Variants in APTX observed in about 807,000 individuals in gnomAD.
APTX encodes forkhead-associated domain histidine triad-like protein.
APTX carries 33 observed loss-of-function variants against 42.3 expected under a neutral mutation model. The ratio of observed to expected loss-of-function variants is 0.78; its 90% CI spans 0.59 to 1.04. The LOEUF is 1.04. Among genes scored for constraint, APTX ranks in the 50% least tolerant of loss-of-function variants. APTX has a pLI of 0.00. For synonymous variants in APTX, 130 were observed against 146.7 expected (o/e 0.89, Z 0.82); for missense variants, 421 against 415.1 (o/e 1.01, Z -0.12).
In APTX at chr9:32,972,916, T is replaced by C. The variant is rs960296817; in HGVS notation, c.*582A>G. On this transcript the variant is annotated 3_prime_UTR_variant, in exon 8 of 8. Transcript: ENST00000379817. ...ACCATCATCTAGCCTCTTTTCTCACTGTGAAGAACTGATGAGACAGAATTC... is the reference window on the plus strand; with the variant it reads ...ACCATCATCTAGCCTCTTTTCTCACCGTGAAGAACTGATGAGACAGAATTC... 8 of 453,988 alleles carry C rather than the reference T, an allele frequency of 1.8e-5. No individual in the cohort carries two copies. The highest frequency in any genetic ancestry group is 3.5e-5 in the Non-Finnish European group (8 of 226,790). 28.1% of individuals were successfully genotyped at this position (453,988 alleles called of 1,614,324 possible).
chr9:33,003,774 G>A (rs1002373624), upstream of APTX, among the ~76,000 whole-genome samples: 2 of 152,086 alleles, frequency 1.3e-5, no homozygotes, highest in Non-Finnish European at 2.9e-5. Context: ...GCCCATTTGC[G>A]ACTGGCTTAT....
At chr9:32,983,694 T>C (rs1831231918) in intron 6 of APTX, among the ~76,000 whole-genome samples, 1 of 152,172 alleles carries the variant, frequency 6.6e-6, no homozygotes, top group East Asian at 1.9e-4. Context: ...GGATAAGACT[T>C]GAAGACATTA....
intron 6 of APTX, among the ~76,000 whole-genome samples, chr9:32,978,182 A>G (rs1348664512): frequency 3.9e-5 from 6 of 152,222 alleles, no homozygotes; most frequent in African/African-American, 1.4e-4. Flanking sequence ...TACTGCTTCA[A>G]AAGGGTATAC....
intron 1 of APTX, among the ~76,000 whole-genome samples, chr9:33,023,405 A>G (rs575763403): frequency 6.6e-6 from 1 of 151,184 alleles, no homozygotes; most frequent in Admixed American, 6.6e-5. Flanking sequence ...TTCTATTTTT[A>G]GTAGAGAAGG....
chr9:32,986,419 A>C (rs1370801667), intron 4 of APTX, among the ~76,000 whole-genome samples: 3 of 149,682 alleles, frequency 2.0e-5, no homozygotes, highest in African/African-American at 2.5e-5. Flanking sequence ...CTGGTCTTGA[A>C]CTCCTCACCT....
Position 32,989,676 on chromosome 9 carries a change from C to G in APTX, c.133+83G>C, listed in dbSNP as rs528961441. On this transcript the variant is annotated intron_variant, in intron 2 of 7. Coordinates refer to ENST00000379817, the MANE Select transcript of APTX (RefSeq NM_001195248.2). Reference sequence around the variant, plus strand: ...TTTTGGCAGACAATAGATTTTCCATCAAGATCACCCAGAAAATATGCATCT... The same window carrying G: ...TTTTGGCAGACAATAGATTTTCCATGAAGATCACCCAGAAAATATGCATCT... 3.1e-6 allele frequency: 5 copies of G among 1,603,978 alleles called. No individual in the cohort carries two copies. In the East Asian group the frequency reaches 1.1e-4, roughly 36 times the overall value.
At chr9:32,989,670 T>G (rs753922976) in intron 2 of APTX, 89 bp downstream of exon 2, 1 of 1,598,762 alleles carries the variant, frequency 6.3e-7, no homozygotes, top group Non-Finnish European at 8.6e-7. Context: ...ACAATAGATT[T>G]TCCATCAAGA....
intron 1 of APTX, among the ~76,000 whole-genome samples, chr9:33,016,427 C>CA (rs757985346): frequency 6.6e-5 from 10 of 152,008 alleles, no homozygotes; most frequent in Non-Finnish European, 1.0e-4. Context: ...ATCCAGTTTA[C>CA]AAAAAAGACA....
chr9:32,992,163 C>T (rs953184106), intron 1 of APTX, among the ~76,000 whole-genome samples: 1 of 152,170 alleles, frequency 6.6e-6, no homozygotes, highest in Non-Finnish European at 1.5e-5. Flanking sequence ...TAACATGCCT[C>T]TCCCGGAAAC....
chr9:32,973,716 A>T, intron 7 of APTX, 64 bp from the exon 8 acceptor site: 1 of 1,555,322 alleles, frequency 6.4e-7, no homozygotes, highest in Middle Eastern at 1.7e-4. Flanking sequence ...GATACCAAAA[A>T]AAAAAAAAAA....
chr9:33,000,851 T>TC (rs1039054497), intron 1 of APTX, among the ~76,000 whole-genome samples: 3 of 141,152 alleles, frequency 2.1e-5, no homozygotes, highest in Non-Finnish European at 3.1e-5. Flanking sequence ...TTTTCTTTTT[T>TC]TTTTTTTTTT....
chr9:33,001,842 T>C (rs1290798898), upstream of APTX, among the ~76,000 whole-genome samples: 1 of 152,236 alleles, frequency 6.6e-6, no homozygotes, highest in African/African-American at 2.4e-5. Context: ...GCCACTCGCC[T>C]GTCACTGCCT....
intron 6 of APTX, among the ~76,000 whole-genome samples, chr9:32,978,665 GATAAATA>G (rs1442675029): frequency 6.6e-6 from 1 of 152,162 alleles, no homozygotes; most frequent in Non-Finnish European, 1.5e-5. Flanking sequence ...TGCAATTTCT[GATAAATA>G]ATAGACAGCA....
At chr9:32,981,931 G>A (rs1443316894) in intron 6 of APTX, among the ~76,000 whole-genome samples, 1 of 151,790 alleles carries the variant, frequency 6.6e-6, no homozygotes, top group Non-Finnish European at 1.5e-5. Context: ...AAATCATTGG[G>A]TGCGAGTTTG....
chr9:32,997,084 CACTG>C (rs1835115998), intron 1 of APTX, among the ~76,000 whole-genome samples: 1 of 152,216 alleles, frequency 6.6e-6, no homozygotes, highest in Admixed American at 6.5e-5. Context: ...GGTTCTTAAC[CACTG>C]CATCATATAA....
At chr9:32,998,149 T>C (rs1213706612) in intron 1 of APTX, among the ~76,000 whole-genome samples, 1 of 152,110 alleles carries the variant, frequency 6.6e-6, no homozygotes, top group East Asian at 1.9e-4. Context: ...ATTTGAAGTG[T>C]CTGTGGGACT....
At chr9:33,002,994 G>A (rs1587620024), upstream of APTX, among the ~76,000 whole-genome samples, 2 of 152,298 alleles carry the variant, frequency 1.3e-5, no homozygotes, top group African/African-American at 4.8e-5. Flanking sequence ...AACACAAGCA[G>A]CATCTCAGCA....
upstream of APTX, among the ~76,000 whole-genome samples, chr9:33,005,559 C>G (rs905273970): frequency 6.6e-6 from 1 of 151,880 alleles, no homozygotes; most frequent in Non-Finnish European, 1.5e-5. Context: ...ACCTCAGCCT[C>G]CCAAGTAGCT....
chr9:33,011,554 G>A (rs1837544288), intron 1 of APTX, among the ~76,000 whole-genome samples: 1 of 152,078 alleles, frequency 6.6e-6, no homozygotes, highest in Non-Finnish European at 1.5e-5. Context: ...CAAAGTGCTG[G>A]GATTACAGGC....
Sources: allele counts gnomAD v4.1 joint callset (sites outside exome capture counted in the v4.1 genomes callset), GRCh38; gene constraint gnomAD v4.1.1; transcripts MANE v1.5; gene names NCBI Gene and HGNC (gene_info 2026-07-23, HGNC 2026-07-21).